Variants in ZNF566 observed in about 807,000 individuals in gnomAD.
ZNF566 encodes the protein zinc finger protein 566.
A neutral mutation model predicts 32.8 loss-of-function variants in ZNF566; 27 were observed. That is an observed-to-expected ratio of 0.82 (90% CI 0.61 to 1.14). The LOEUF (loss-of-function observed/expected upper bound fraction) is 1.14. ZNF566 is among the 50% of genes most tolerant of loss of function. The probability of loss-of-function intolerance (pLI) is 0.00; values close to 1 mark genes in which losing one functional copy is unlikely to be tolerated. For missense variants in ZNF566, 402 were observed against 490.4 expected, an observed-to-expected ratio of 0.82 and a Z score of 1.70; for synonymous variants, 154 against 159.5, an observed-to-expected ratio of 0.97 and a Z score of 0.26.
intron 4 of ZNF566, among the ~76,000 whole-genome samples, chr19:36,460,819 A>AT (rs1310202099): frequency 2.6e-5 from 4 of 152,334 alleles, no homozygotes; most frequent in East Asian, 1.9e-4. Context: ...ACTGTAAAAA[A>AT]ATATATATTA....
intron 1 of ZNF566, among the ~76,000 whole-genome samples, chr19:36,484,481 G>A (rs1432184438): frequency 4.6e-5 from 7 of 151,894 alleles, no homozygotes; most frequent in Non-Finnish European, 5.9e-5. Flanking sequence ...GAAAATCACC[G>A]CTAGGCAAAC....
At chr19:36,452,083 TAA>T (rs984317193) in intron 4 of ZNF566, among the ~76,000 whole-genome samples, 8 of 141,536 alleles carry the variant, frequency 5.7e-5, no homozygotes. Context: ...CTTGACTCGT[TAA>T]AAAAAAAAAA....
Position 36,472,953 on chromosome 19 carries a change from G to A in ZNF566, c.190C>T (p.Pro64Ser). 1 of 1,614,004 alleles carries A rather than the reference G, an allele frequency of 6.2e-7. No individual in the cohort carries two copies. Among genetic ancestry groups the A allele is most frequent in the Non-Finnish European group, 8.5e-7 (1 of 1,179,980 alleles). ...VISYLEQGKE[P>S]WLADRELTRG... ...GTTAGCTCTCTGTCAGCCAACCAGG[G>A]CTCCTTCCCTTGCTCCAAGTAGGAG... The change falls in exon 4 of 5, where the codon CCC becomes TCC. Residue 64 changes from proline to serine, a missense_variant. Physicochemically the swap from Pro to Ser is moderately conservative, Grantham distance 74 (BLOSUM62 -1). Around this residue, in one of 3 missense-constraint regions of ZNF566, gnomAD observed 220 missense variants for 241.9 expected, o/e 0.91. Transcript: ENST00000452939.
intron 4 of ZNF566, among the ~76,000 whole-genome samples, chr19:36,455,198 T>A (rs916511803): frequency 6.6e-6 from 1 of 152,128 alleles, no homozygotes; most frequent in African/African-American, 2.4e-5. Context: ...AAATTAGGTG[T>A]ACAAGGAATT....
In ZNF566 at chr19:36,467,584, A is replaced by G. The variant is rs2033649809; in HGVS notation, c.232+5327T>C. Among the ~76,000 whole-genome samples, 5 of 150,912 alleles carry G rather than the reference A, an allele frequency of 3.3e-5. No homozygotes were observed. In the South Asian group the frequency reaches 8.3e-4, roughly 25 times the overall value. On this transcript the variant is annotated intron_variant, in intron 4 of 4. Coordinates refer to ENST00000452939, the MANE Select transcript of ZNF566 (RefSeq NM_001145344.1). Reference sequence around the variant, plus strand: ...GGCGGGTGGGTCATTTGAGGTCAGCAGTTGAAGACCAGCCTGGCCAACATG... The same window carrying G: ...GGCGGGTGGGTCATTTGAGGTCAGCGGTTGAAGACCAGCCTGGCCAACATG...
rs745814676 is a variant in ZNF566, at chr19:36,449,295, ACATT to A, written c.935_938del (p.Glu312ValfsTer135). The A allele has an allele frequency of 5.6e-6, 9 of 1,614,072 alleles. No homozygotes were observed. The highest frequency in any genetic ancestry group is 1.3e-5 in the African/African-American group (1 of 74,944). On this transcript the variant is annotated frameshift_variant, in exon 5 of 5. Transcript: ENST00000452939. LOFTEE classifies it high-confidence loss of function. ...GACTAAAGGCATTGCCACATTCCTT[ACATT>A]CATAGGGTTTTTCCCCAGTATGAAT...
intron 1 of ZNF566, among the ~76,000 whole-genome samples, chr19:36,477,165 C>T (rs918566302): frequency 6.6e-6 from 1 of 151,806 alleles, no homozygotes; most frequent in Non-Finnish European, 1.5e-5. Context: ...CATGTGCCAC[C>T]ACGCCCGGCT....
chr19:36,485,623 G>T (rs1002945731), intron 1 of ZNF566, among the ~76,000 whole-genome samples: 3 of 151,662 alleles, frequency 2.0e-5, no homozygotes, highest in Non-Finnish European at 2.9e-5. Context: ...TCAGCCGGGG[G>T]TGGTGGCAGG....
At chr19:36,475,894 T>A (rs952454839) in intron 2 of ZNF566, among the ~76,000 whole-genome samples, 1 of 152,152 alleles carries the variant, frequency 6.6e-6, no homozygotes, top group Admixed American at 6.6e-5. Flanking sequence ...AAGAAAGAAA[T>A]AAGTATTCTT....
intron 4 of ZNF566, among the ~76,000 whole-genome samples, chr19:36,458,093 C>T (rs1274915918): frequency 2.0e-5 from 3 of 152,076 alleles, no homozygotes; most frequent in African/African-American, 7.3e-5. Flanking sequence ...AAGCTTACTT[C>T]TGGGTATATA....
Position 36,461,327 on chromosome 19 carries a change from T to A in ZNF566, c.233-11326A>T, listed in dbSNP as rs553939728. Among the ~76,000 whole-genome samples, 15 of 152,342 alleles carry A rather than the reference T, an allele frequency of 9.8e-5. No individual in the cohort carries two copies. The South Asian group carries it at 3.1e-3, about 32-fold the overall frequency. ...CTGAGTTACTAGGTTGTTACTTCAA[T>A]GGAGTTTTCTGTTTCTTTGAACTTC... On this transcript the variant is annotated intron_variant, in intron 4 of 4. Transcript: ENST00000452939.
intron 4 of ZNF566, among the ~76,000 whole-genome samples, chr19:36,454,204 T>C (rs1662605577): frequency 6.6e-6 from 1 of 152,066 alleles, no homozygotes; most frequent in African/African-American, 2.4e-5. Context: ...CAGCCTAAAG[T>C]TAAGTTATTA....
At chr19:36,459,405 G>C (rs1455100067) in intron 4 of ZNF566, among the ~76,000 whole-genome samples, 1 of 152,038 alleles carries the variant, frequency 6.6e-6, no homozygotes, top group Non-Finnish European at 1.5e-5. Context: ...AGTAGAGATG[G>C]GGTTTCATCA....
At chr19:36,472,829 G>A in intron 4 of ZNF566, 82 bp downstream of exon 4, 1 of 1,142,356 alleles carries the variant, frequency 8.8e-7, no homozygotes, top group Non-Finnish European at 1.3e-6. Context: ...AAAAGCCTGT[G>A]AGGAGAGTTT....
At chr19:36,475,398 G>A (rs1332559275) in intron 2 of ZNF566, among the ~76,000 whole-genome samples, 1 of 152,046 alleles carries the variant, frequency 6.6e-6, no homozygotes, top group African/African-American at 2.4e-5. Flanking sequence ...ACAACCACTA[G>A]TCACACTCTC....
intron 4 of ZNF566, among the ~76,000 whole-genome samples, chr19:36,469,755 CTT>C (rs1367730679): frequency 6.6e-6 from 1 of 152,058 alleles, no homozygotes; most frequent in African/African-American, 2.4e-5. Flanking sequence ...TCAGAAATAT[CTT>C]GTCTCTGAGA....
chr19:36,460,335 C>A (rs1051017796), intron 4 of ZNF566, among the ~76,000 whole-genome samples: 5 of 151,842 alleles, frequency 3.3e-5, no homozygotes, highest in Non-Finnish European at 7.4e-5. Flanking sequence ...ACTCTGCAAA[C>A]CAATATAAAA....
At chr19:36,479,434 CAAGT>C (rs917330986) in intron 1 of ZNF566, among the ~76,000 whole-genome samples, 4 of 152,116 alleles carry the variant, frequency 2.6e-5, no homozygotes, top group Non-Finnish European at 4.4e-5. Flanking sequence ...TTTCTAGTAA[CAAGT>C]AATTGGAAAA....
At chr19:36,460,255 C>T (rs1600147253) in intron 4 of ZNF566, among the ~76,000 whole-genome samples, 1 of 152,122 alleles carries the variant, frequency 6.6e-6, no homozygotes, top group Non-Finnish European at 1.5e-5. Flanking sequence ...AAAGGTGACT[C>T]ATGTTGGAAT....
Sources: allele counts gnomAD v4.1 joint callset (sites outside exome capture counted in the v4.1 genomes callset), GRCh38; gene constraint gnomAD v4.1.1; regional missense constraint gnomAD v4.1.1; transcripts MANE v1.5; gene names NCBI Gene and HGNC (gene_info 2026-07-23, HGNC 2026-07-21).